The following DGKK variants were observed in gnomAD, a reference collection of about 807,000 sequenced individuals.
DGKK encodes the protein 142 kDa diacylglycerol kinase.
Under a neutral mutation model 92.2 loss-of-function variants are expected in DGKK, and 35 were observed. That is an observed-to-expected ratio of 0.38 (90% CI 0.29 to 0.50). DGKK has a LOEUF of 0.50. Ranked by LOEUF, DGKK falls within the 20% of genes least tolerant of loss-of-function variation. The pLI is 0.92. For missense variants in DGKK, 910 were observed against 992.2 expected (o/e 0.92, Z 1.11); for synonymous variants, 368 against 360.6 (o/e 1.02, Z -0.23).
At chrX:50,393,399 T>C (rs782526253) in intron 8 of DGKK, 64 bp from the exon 9 acceptor site, 77 of 923,450 alleles carry the variant, frequency 8.3e-5, no homozygotes, top group East Asian at 3.5e-4. Context: ...AAACGAGACA[T>C]GACTTAACAT....
Position 50,366,563 on chromosome X carries a change from T to C in DGKK, c.*2377A>G, listed in dbSNP as rs1412125818. ...AGTAAGCACAAGAGATGGAGTCTTATTACAGTTTACTATCATCAGTGATAA... is the reference window on the plus strand; with the variant it reads ...AGTAAGCACAAGAGATGGAGTCTTACTACAGTTTACTATCATCAGTGATAA... On this transcript the variant is annotated 3_prime_UTR_variant, in exon 28 of 28. Transcript: ENST00000611977. The C allele has an allele frequency of 8.9e-6, 1 of 112,244 alleles. No individual in the cohort carries two copies. The highest frequency in any genetic ancestry group is 1.9e-5 in the Non-Finnish European group (1 of 53,236). The allele number at this position is 112,244 out of a possible 1,213,427, so 9.3% of individuals were successfully genotyped here. A position where few individuals can be genotyped will look rare whatever the true frequency, so the allele number is the denominator to read the frequency against.
chrX:50,404,356 G>A (rs1417654485), intron 4 of DGKK, among the ~76,000 whole-genome samples, 172 bp from the exon 5 acceptor site: 1 of 110,393 alleles, frequency 9.1e-6, no homozygotes, highest in African/African-American at 3.3e-5. Context: ...TACTTTGTGT[G>A]CGTTTTTGTT....
chrX:50,435,713 GTGTGTGTA>G (rs1926001295), intron 1 of DGKK, among the ~76,000 whole-genome samples: 2 of 97,292 alleles, frequency 2.1e-5, no homozygotes, highest in Non-Finnish European at 4.3e-5. Context: ...AAAGGAGTGT[GTGTGTGTA>G]TGTGTGTGTG....
At chrX:50,387,478 G>T in intron 14 of DGKK, 76 bp downstream of exon 14, 1 of 753,666 alleles carries the variant, frequency 1.3e-6, no homozygotes, top group East Asian at 3.3e-5. Flanking sequence ...CCCAGTGAGA[G>T]GCATGTTTGC....
intron 4 of DGKK, among the ~76,000 whole-genome samples, chrX:50,411,816 TA>T (rs1356994510): frequency 2.7e-5 from 3 of 111,481 alleles, no homozygotes; most frequent in Non-Finnish European, 5.7e-5. Flanking sequence ...CTTATATATT[TA>T]AAAAAACCTA....
chrX:50,365,998 A>T lies in DGKK; in HGVS notation c.*2942T>A, dbSNP rs1190660544. ...CAAATGTATCGGCTTTTTCTTCTCC[A>T]CTATTCTTCTGGCCAGGAATTGCCT... On this transcript the variant is annotated 3_prime_UTR_variant, in exon 28 of 28. Transcript: ENST00000611977. 9.0e-6 allele frequency: 1 copy of T among 111,594 alleles called. No homozygotes were observed. Among genetic ancestry groups the T allele is most frequent in the East Asian group, 2.8e-4 (1 of 3,554 alleles). The allele number at this position is 111,594 out of a possible 1,213,427, so 9.2% of individuals were successfully genotyped here.
intron 4 of DGKK, among the ~76,000 whole-genome samples, chrX:50,409,415 A>G (rs1602283167): frequency 8.9e-6 from 1 of 111,843 alleles, no homozygotes; most frequent in Non-Finnish European, 1.9e-5. Context: ...CTCTGAGAAA[A>G]TAAATTTCTG....
At chrX:50,385,560 C>G (rs1021470928) in intron 15 of DGKK, among the ~76,000 whole-genome samples, 1 of 111,633 alleles carries the variant, frequency 9.0e-6, no homozygotes, top group Admixed American at 9.6e-5. Flanking sequence ...TTGTTTAATC[C>G]TTCCACTGTG....
chrX:50,396,022 C>T (rs1569544423), intron 8 of DGKK, among the ~76,000 whole-genome samples: 1 of 111,798 alleles, frequency 8.9e-6, no homozygotes. Context: ...AGGCTGTTCA[C>T]TGTGGCATTA....
At chrX:50,431,546 A>C (rs1404572802) in intron 1 of DGKK, among the ~76,000 whole-genome samples, 1 of 111,295 alleles carries the variant, frequency 9.0e-6, no homozygotes, top group Non-Finnish European at 1.9e-5. Flanking sequence ...TGAGTAAGCT[A>C]TCATTCCCAG....
chrX:50,405,610 A>G (rs951095781), intron 4 of DGKK, among the ~76,000 whole-genome samples: 1 of 110,510 alleles, frequency 9.0e-6, no homozygotes, highest in East Asian at 2.9e-4. Context: ...ATCAATTTAC[A>G]TGAATTAGAT....
intron 14 of DGKK, 123 bp downstream of exon 14, chrX:50,387,431 C>T (rs992117798): frequency 4.8e-5 from 26 of 542,225 alleles, no homozygotes; most frequent in Admixed American, 3.8e-4. Flanking sequence ...ATCAGGGAGG[C>T]TTAACAGCTG....
intron 1 of DGKK, among the ~76,000 whole-genome samples, chrX:50,436,787 G>T (rs1196323826): frequency 1.8e-5 from 2 of 109,703 alleles, no homozygotes; most frequent in African/African-American, 3.3e-5. Flanking sequence ...AGGTCATTAA[G>T]TAGTAAACTT....
At chrX:50,369,524 T>C (rs538183868) in intron 27 of DGKK, among the ~76,000 whole-genome samples, 4 of 105,661 alleles carry the variant, frequency 3.8e-5, no homozygotes, top group Middle Eastern at 4.7e-3. Flanking sequence ...TTCTCCCTCC[T>C]TCCTTCCTTC....
At chrX:50,408,523 C>T (rs781842924) in intron 4 of DGKK, among the ~76,000 whole-genome samples, 14 of 110,715 alleles carry the variant, frequency 1.3e-4, no homozygotes, top group East Asian at 2.9e-4. Flanking sequence ...GGACTACAGG[C>T]GCCCGCCACC....
At position 50,378,571 on chromosome X, in the gene DGKK, T is replaced by G; in HGVS notation, c.2976+7A>C. On this transcript the variant is annotated splice_region_variant and intron_variant, in intron 21 of 27. Transcript: ENST00000611977. Reference sequence around the variant, plus strand: ...CCCTTCCCAGTGCCCACCCAGCCCCTGCCTACCTGGGCAATGCGATGATGA... The same window carrying G: ...CCCTTCCCAGTGCCCACCCAGCCCCGGCCTACCTGGGCAATGCGATGATGA... 4 of 1,191,885 alleles carry G rather than the reference T, an allele frequency of 3.4e-6. No homozygotes were observed. Among genetic ancestry groups the G allele is most frequent in the Non-Finnish European group, 4.5e-6 (4 of 881,475 alleles).
chrX:50,439,436 A>G (rs1277785176), intron 1 of DGKK, among the ~76,000 whole-genome samples: 1 of 111,435 alleles, frequency 9.0e-6, no homozygotes, highest in African/African-American at 3.3e-5. Flanking sequence ...AGGGATCAAG[A>G]TAATGCATTA....
intron 2 of DGKK, among the ~76,000 whole-genome samples, chrX:50,423,753 C>G (rs981850781): frequency 8.9e-6 from 1 of 111,751 alleles, no homozygotes; most frequent in African/African-American, 3.2e-5. Context: ...GAATTAAATG[C>G]TCTTACATTT....
intron 1 of DGKK, among the ~76,000 whole-genome samples, chrX:50,436,191 T>A (rs1295515014): frequency 1.8e-5 from 2 of 112,267 alleles, no homozygotes; most frequent in Non-Finnish European, 3.8e-5. Flanking sequence ...CAGGAGGCTA[T>A]CAGGGACAAG....
Sources: gnomAD v4.1 joint callset for allele counts (sites outside exome capture counted in the v4.1 genomes callset) on GRCh38, gnomAD v4.1.1 for gene constraint, MANE v1.5 for transcripts, NCBI Gene and HGNC (gene_info 2026-07-23, HGNC 2026-07-21) for gene names.